Variants in GALNT16 observed in about 807,000 individuals in gnomAD.
GALNT16 encodes the protein UDP-GalNAc:polypeptide N-acetylgalactosaminyltransferase-like protein 1.
In GALNT16, 40 loss-of-function variants were observed where a neutral mutation model predicts 76.1. The observed-to-expected ratio is 0.53, with a 90% CI of 0.41 to 0.68. GALNT16 has a LOEUF of 0.68. Among genes scored for constraint, GALNT16 ranks in the 30% least tolerant of loss-of-function variants. The pLI, the probability that GALNT16 is intolerant of heterozygous loss-of-function variation, is 0.00. For synonymous variants in GALNT16, 276 were observed against 285.2 expected (o/e 0.97, Z 0.32); for missense variants, 621 against 731.9 (o/e 0.85, Z 1.75).
At chr14:69,283,385 A>G (rs2044569491) in intron 1 of GALNT16, among the ~76,000 whole-genome samples, 1 of 152,154 alleles carries the variant, frequency 6.6e-6, no homozygotes, top group Non-Finnish European at 1.5e-5. Flanking sequence ...CAGTATTGAT[A>G]TGGCTGCAGT....
chr14:69,347,281 C>T (rs1028103968), intron 13 of GALNT16, 100 bp downstream of exon 13: 64 of 1,250,514 alleles, frequency 5.1e-5, no homozygotes, highest in Middle Eastern at 5.6e-4. Context: ...CCTCTGTCTA[C>T]ATCTTACACA....
chr14:69,285,830 C>A (rs2044603753), intron 1 of GALNT16, among the ~76,000 whole-genome samples: 1 of 152,182 alleles, frequency 6.6e-6, no homozygotes, highest in African/African-American at 2.4e-5. Flanking sequence ...GATACATACC[C>A]CCTACCCCTC....
At chr14:69,302,124 A>G (rs540095387) in intron 1 of GALNT16, among the ~76,000 whole-genome samples, 1 of 152,188 alleles carries the variant, frequency 6.6e-6, no homozygotes, top group South Asian at 2.1e-4. Context: ...AGAGTTCATA[A>G]CTCCCTGATT....
At chr14:69,349,025 G>C (rs1398471213) in intron 14 of GALNT16, 1 of 152,288 alleles carries the variant, frequency 6.6e-6, no homozygotes, top group African/African-American at 2.4e-5. Context: ...TCTTTGCTTG[G>C]GTCAGCACGT....
At chr14:69,382,681 A>T in the GALNT16 span, among the ~76,000 whole-genome samples, 2 of 151,038 alleles carry the variant, frequency 1.3e-5, no homozygotes, top group Admixed American at 6.6e-5. Context: ...AAAAAAAAAA[A>T]TACAAAAATT....
intron 1 of GALNT16, among the ~76,000 whole-genome samples, chr14:69,310,308 CTGAT>C (rs1442148336): frequency 2.6e-5 from 4 of 151,310 alleles, no homozygotes; most frequent in Admixed American, 2.0e-4. Context: ...CAGATTTTCT[CTGAT>C]TGTTCTCTCA....
the GALNT16 span, among the ~76,000 whole-genome samples, chr14:69,374,426 T>G: frequency 3.7e-4 from 56 of 152,346 alleles, 3 homozygotes; most frequent in East Asian, 2.5e-3. Flanking sequence ...TTTAGTCAGA[T>G]TCTATCACTA....
Position 69,341,860 on chromosome 14 carries a change from A to C in GALNT16, c.1271+96A>C, listed in dbSNP as rs113209071. 75 of 745,504 alleles carry C rather than the reference A, an allele frequency of 1.0e-4. No homozygotes were observed. In the African/African-American group the frequency reaches 1.2e-3, roughly 12 times the overall value. 46.2% of individuals were successfully genotyped at this position (745,504 alleles called of 1,614,324 possible). ...CACCCCACCCTTAGATCTCCTCAACACTGGTGATCTGGCTTTCTAGCTGCC... is the reference window on the plus strand; with the variant it reads ...CACCCCACCCTTAGATCTCCTCAACCCTGGTGATCTGGCTTTCTAGCTGCC... On this transcript the variant is annotated intron_variant, in intron 12 of 14. Coordinates refer to ENST00000448469, the MANE Select transcript of GALNT16 (RefSeq NM_001168368.2).
At chr14:69,300,378 C>T (rs2044833990) in intron 1 of GALNT16, among the ~76,000 whole-genome samples, 1 of 152,208 alleles carries the variant, frequency 6.6e-6, no homozygotes, top group Non-Finnish European at 1.5e-5. Context: ...GATGCCACTC[C>T]TGCCCTTGCT....
chr14:69,304,793 G>A (rs1244799985), intron 1 of GALNT16, among the ~76,000 whole-genome samples: 1 of 152,146 alleles, frequency 6.6e-6, no homozygotes, highest in Non-Finnish European at 1.5e-5. Context: ...TGTTGCAAAT[G>A]GCAGGATTTC....
At chr14:69,337,228 C>G (rs1392008975) in intron 9 of GALNT16, among the ~76,000 whole-genome samples, 1 of 152,130 alleles carries the variant, frequency 6.6e-6, no homozygotes, top group Non-Finnish European at 1.5e-5. Flanking sequence ...TGCTGCACTT[C>G]TGCAACTGAA....
chr14:69,291,162 A>G (rs1315582318), intron 1 of GALNT16, among the ~76,000 whole-genome samples: 2 of 152,190 alleles, frequency 1.3e-5, no homozygotes, highest in Non-Finnish European at 2.9e-5. Context: ...GCATAGTGGC[A>G]TGTGTCTGTA....
chr14:69,322,989 CACGCGCGCACGCAT>C (rs1471488261), intron 2 of GALNT16, among the ~76,000 whole-genome samples: 29 of 19,754 alleles, frequency 1.5e-3, no homozygotes, highest in African/African-American at 6.7e-3. Flanking sequence ...TGTGCGCGCG[CACGCGCGCACGCAT>C]GCACACGTGT....
the GALNT16 span, among the ~76,000 whole-genome samples, chr14:69,371,429 T>A: frequency 2.0e-3 from 300 of 148,714 alleles, 1 homozygote; most frequent in African/African-American, 7.1e-3. Context: ...TATTTTTGTA[T>A]TTTTTTTTAG....
chr14:69,320,138 G>C (rs1205727621), intron 1 of GALNT16, among the ~76,000 whole-genome samples: 1 of 152,196 alleles, frequency 6.6e-6, no homozygotes, highest in Non-Finnish European at 1.5e-5. Context: ...CTTTGGAGTC[G>C]GAATGACCAG....
downstream of GALNT16, among the ~76,000 whole-genome samples, chr14:69,361,130 G>C (rs893999452): frequency 6.6e-6 from 1 of 152,206 alleles, no homozygotes; most frequent in Non-Finnish European, 1.5e-5. Flanking sequence ...TGCCTCAGAA[G>C]ATCTATTAAT....
chr14:69,365,593 G>A, the GALNT16 span, among the ~76,000 whole-genome samples: 1 of 152,154 alleles, frequency 6.6e-6, no homozygotes, highest in Non-Finnish European at 1.5e-5. Flanking sequence ...GGACACATTG[G>A]TGGGGAACAA....
chr14:69,271,454 C>T (rs1297188262), intron 1 of GALNT16, among the ~76,000 whole-genome samples: 1 of 152,170 alleles, frequency 6.6e-6, no homozygotes, highest in Non-Finnish European at 1.5e-5. Context: ...CTCAGAGGAG[C>T]CGGCCCCTGG....
At chr14:69,271,688 C>T (rs1488796095) in intron 1 of GALNT16, among the ~76,000 whole-genome samples, 1 of 152,186 alleles carries the variant, frequency 6.6e-6, no homozygotes, top group Admixed American at 6.5e-5. Flanking sequence ...AAACAACACT[C>T]ATTTTAGTTG....
Sources: gnomAD v4.1 joint callset for allele counts (sites outside exome capture counted in the v4.1 genomes callset) on GRCh38, gnomAD v4.1.1 for gene constraint, MANE v1.5 for transcripts, NCBI Gene and HGNC (gene_info 2026-07-23, HGNC 2026-07-21) for gene names.